Variants in NBPF15 observed in about 807,000 individuals in gnomAD.
NBPF15 encodes the protein NBPF member 15.
NBPF15 carries 74 observed loss-of-function variants against 62.2 expected under a neutral mutation model. That is an observed-to-expected ratio of 1.19 (90% CI 0.99 to 1.44). The LOEUF (loss-of-function observed/expected upper bound fraction) is 1.44. NBPF15 is among the 40% of genes most tolerant of loss of function. NBPF15 has a pLI of 0.00. For missense variants in NBPF15, 790 were observed against 550.0 expected (o/e 1.44, Z -4.36); for synonymous variants, 244 against 209.7 (o/e 1.16, Z -1.41).
intron 14 of NBPF15, among the ~76,000 whole-genome samples, chr1:144,429,001 T>G (rs1166453562): frequency 1.3e-5 from 2 of 152,044 alleles, no homozygotes; most frequent in African/African-American, 4.8e-5. Flanking sequence ...CTTTCTCTCA[T>G]TAAATACCCA....
chr1:144,431,965 G>A (rs1674682003), intron 13 of NBPF15, among the ~76,000 whole-genome samples: 1 of 150,720 alleles, frequency 6.6e-6, no homozygotes, highest in South Asian at 2.1e-4. Context: ...GTGTGCATGT[G>A]TCTTTACAGC....
At chr1:144,455,824 C>T (rs1174406400) in intron 4 of NBPF15, among the ~76,000 whole-genome samples, 2 of 151,844 alleles carry the variant, frequency 1.3e-5, no homozygotes, top group Admixed American at 6.6e-5. Flanking sequence ...GAGATTTACT[C>T]GTTATGGGGT....
At chr1:144,439,000 T>A (rs1367297276) in intron 8 of NBPF15, among the ~76,000 whole-genome samples, 2 of 151,874 alleles carry the variant, frequency 1.3e-5, no homozygotes, top group African/African-American at 2.4e-5. Context: ...ATTATTATTT[T>A]TTTTTAACAG....
chr1:144,435,160 A>C lies in NBPF15; in HGVS notation c.723T>G (p.Ile241Met). 1 of 1,612,984 alleles carries C rather than the reference A, an allele frequency of 6.2e-7. No individual in the cohort carries two copies. ...CCCATTCAACATGAGAGGATGAGCCAATGAGAGTTGAGTCGACTTTGTCTT... is the reference window on the plus strand; with the variant it reads ...CCCATTCAACATGAGAGGATGAGCCCATGAGAGTTGAGTCGACTTTGTCTT... ...FEEDKVDSTL[I>M]GSSSHVEWED... Residue 241 changes from isoleucine (I) to methionine (M), a missense_variant, in exon 12 of 22, where the codon ATT becomes ATG. Coordinates refer to ENST00000581897, the MANE Select transcript of NBPF15 (RefSeq NM_001385408.1).
At chr1:144,460,112 G>A (rs1423065157) in intron 2 of NBPF15, among the ~76,000 whole-genome samples, 6 of 97,238 alleles carry the variant, frequency 6.2e-5, no homozygotes, top group Non-Finnish European at 9.3e-5. Context: ...CCATGATCAC[G>A]GCTCACTGCA....
intron 4 of NBPF15, among the ~76,000 whole-genome samples, chr1:144,455,645 G>A (rs587594654): frequency 1.3e-5 from 2 of 152,104 alleles, no homozygotes; most frequent in South Asian, 4.2e-4. Flanking sequence ...TCAGCCCCTG[G>A]GTCTGACATC....
Position 144,423,932 on chromosome 1 carries a change from T to G in NBPF15, c.1707A>C (p.Arg569Ser). Residue 569 changes from arginine (R) to serine (S), a missense_variant, in exon 21 of 22, where the codon AGA becomes AGC. Coordinates refer to ENST00000581897, the MANE Select transcript of NBPF15 (RefSeq NM_001385408.1). ...KGKGKKRRGR[R>S]SKKKRRRGRK... ...TTCCCCTTCTTCTTTTCTTCTTTGA[T>G]CTTCTTCCCCTTCTTTTCTTCCCCT... 2.5e-6 allele frequency: 2 copies of G among 790,304 alleles called. No individual in the cohort carries two copies. The highest frequency in any genetic ancestry group is 2.4e-5 in the East Asian group (1 of 41,296). 49.0% of individuals were successfully genotyped at this position (790,304 alleles called of 1,614,324 possible). A position where few individuals can be genotyped will look rare whatever the true frequency, so the allele number is the denominator to read the frequency against.
At chr1:144,439,159 T>A (rs1255755415) in intron 8 of NBPF15, among the ~76,000 whole-genome samples, 4 of 151,700 alleles carry the variant, frequency 2.6e-5, no homozygotes, top group Non-Finnish European at 5.9e-5. Context: ...ACTTTTTGTA[T>A]TTTTAGTGGA....
chr1:144,458,295 GATAA>G (rs1377650820), intron 3 of NBPF15, among the ~76,000 whole-genome samples: 7 of 152,044 alleles, frequency 4.6e-5, no homozygotes, highest in South Asian at 2.1e-4. Context: ...TTGTAAAAAA[GATAA>G]ATAAATAAAG....
intron 1 of NBPF15, among the ~76,000 whole-genome samples, 175 bp from the exon 2 acceptor site, chr1:144,461,136 C>T (rs1332311567): frequency 1.3e-5 from 2 of 151,928 alleles, no homozygotes; most frequent in Non-Finnish European, 2.9e-5. Context: ...GCCCCCGAAG[C>T]TGCTCGTCCC....
chr1:144,426,847 C>T (rs1553539365), intron 17 of NBPF15, among the ~76,000 whole-genome samples, 200 bp downstream of exon 17: 1 of 147,842 alleles, frequency 6.8e-6, no homozygotes, highest in Non-Finnish European at 1.5e-5. Context: ...GTATGGTCAA[C>T]CTATAGTAAG....
chr1:144,431,347 G>A (rs1377790642), intron 13 of NBPF15, among the ~76,000 whole-genome samples: 2 of 149,570 alleles, frequency 1.3e-5, no homozygotes, highest in Non-Finnish European at 2.9e-5. Context: ...ACCCACAAAG[G>A]GAAGCCCATC....
chr1:144,426,761 G>A (rs782189496), intron 17 of NBPF15, among the ~76,000 whole-genome samples: 8 of 151,780 alleles, frequency 5.3e-5, no homozygotes, highest in Non-Finnish European at 8.8e-5. Context: ...ACGAACAGTG[G>A]TCATGAAAAG....
intron 4 of NBPF15, among the ~76,000 whole-genome samples, chr1:144,453,926 C>T (rs1414085772): frequency 1.5e-5 from 2 of 131,142 alleles, no homozygotes; most frequent in Non-Finnish European, 3.1e-5. Context: ...AAATCCTGCA[C>T]ATAAGTACTT....
rs1167082712 is a variant in NBPF15 at position 144,459,596 on chromosome 1, A to T, written c.-818-113T>A. The T allele has an allele frequency of 3.3e-5, 5 of 151,878 alleles. 1 individual carries two copies. Among genetic ancestry groups the T allele is most frequent in the Admixed American group, 6.5e-5 (1 of 15,268 alleles). 9.4% of individuals were successfully genotyped at this position (151,878 alleles called of 1,614,324 possible). On this transcript the variant is annotated intron_variant, in intron 2 of 21. Coordinates refer to ENST00000581897, the MANE Select transcript of NBPF15 (RefSeq NM_001385408.1). Reference sequence around the variant, plus strand: ...AAAAAGGGAAATGCAATACATATATATCGTAGAAAGGACACATAACCAGAA... The same window carrying T: ...AAAAAGGGAAATGCAATACATATATTTCGTAGAAAGGACACATAACCAGAA...
Position 144,428,608 on chromosome 1 carries a change from G to A in NBPF15, c.1038C>T (p.Pro346=), listed in dbSNP as rs79998796. ...VKKEDQEATG[P]RLSRELLDEK... The stretch of plus-strand genomic sequence containing the variant: ...TGTCCACAATTTCTCAGACTCACCT[G>A]GGACCTGTTGCCTCTTGGTCCTCCT... The change falls in exon 15 of 22, where the codon CCC becomes CCT. Residue 346 remains proline, a splice_region_variant and synonymous_variant. Coordinates refer to ENST00000581897, the MANE Select transcript of NBPF15 (RefSeq NM_001385408.1). 2 of 827,966 alleles carry A rather than the reference G, an allele frequency of 2.4e-6. No individual in the cohort carries two copies. Among genetic ancestry groups the A allele is most frequent in the Non-Finnish European group, 2.1e-6 (1 of 473,866 alleles). 51.3% of individuals were successfully genotyped at this position (827,966 alleles called of 1,614,324 possible).
intron 3 of NBPF15, among the ~76,000 whole-genome samples, chr1:144,457,849 A>G (rs1649257691): frequency 1.3e-5 from 2 of 152,062 alleles, no homozygotes; most frequent in South Asian, 2.1e-4. Context: ...CAACACTTTG[A>G]GATGCCAAGG....
rs1169050371 is a variant in NBPF15 at position 144,444,492 on chromosome 1, AC to A, written c.-190-4198del. Among the ~76,000 whole-genome samples, 4 of 151,732 alleles carry A rather than the reference AC, an allele frequency of 2.6e-5. No homozygotes were observed. In the East Asian group the frequency reaches 7.7e-4, roughly 29 times the overall value. ...TTGGAGATCTGAAGGGACTCTCCAA[AC>A]CTCTGTGATTTAGCAGGAGACAAGA... is the stretch of plus-strand genomic sequence containing the variant. On this transcript the variant is annotated intron_variant, in intron 6 of 21. Transcript: ENST00000581897.
chr1:144,450,728 T>C (rs1369817525), intron 5 of NBPF15, 44 bp downstream of exon 5: 25 of 538,426 alleles, frequency 4.6e-5, no homozygotes, highest in Non-Finnish European at 5.7e-5. Context: ...AAAAAATCAA[T>C]CAACCAATCA....
Sources: allele counts gnomAD v4.1 joint callset (sites outside exome capture counted in the v4.1 genomes callset), GRCh38; gene constraint gnomAD v4.1.1; transcripts MANE v1.5; gene names NCBI Gene and HGNC (gene_info 2026-07-23, HGNC 2026-07-21).